Variants in TSG101 observed in about 807,000 individuals in gnomAD.
TSG101 encodes the protein tumor susceptibility gene 101 protein.
In TSG101, 19 loss-of-function variants were observed where a neutral mutation model predicts 48.5. That is an observed-to-expected ratio of 0.39 (90% CI 0.27 to 0.58). TSG101 has a LOEUF of 0.58. Among genes scored for constraint, TSG101 ranks in the 20% least tolerant of loss-of-function variants. The pLI is 0.55. For missense variants in TSG101, 365 were observed against 484.4 expected (o/e 0.75, Z 2.31); for synonymous variants, 174 against 169.4 (o/e 1.03, Z -0.21).
chr11:18,492,423 T>C (rs1849711731), intron 7 of TSG101, among the ~76,000 whole-genome samples: 1 of 152,260 alleles, frequency 6.6e-6, no homozygotes, highest in African/African-American at 2.4e-5. Flanking sequence ...AAAGCTATTA[T>C]ATCTGGTCTA....
At chr11:18,501,252 C>CT (rs1849882134) in intron 7 of TSG101, among the ~76,000 whole-genome samples, 1 of 152,148 alleles carries the variant, frequency 6.6e-6, no homozygotes, top group African/African-American at 2.4e-5. Flanking sequence ...AGCTTTGGGT[C>CT]TTACATTAAG....
rs1056450372 is a variant in TSG101 at position 18,514,895 on chromosome 11, A to C, written c.194-54T>G. ...TCTATTTTTATTATTTTTAAATTGAAGAATGGTTAAAGGAACAGAGGTTTA... is the reference window on the plus strand; with the variant it reads ...TCTATTTTTATTATTTTTAAATTGACGAATGGTTAAAGGAACAGAGGTTTA... On this transcript the variant is annotated intron_variant, in intron 3 of 9. Coordinates refer to ENST00000251968, the MANE Select transcript of TSG101 (RefSeq NM_006292.4). The C allele has an allele frequency of 9.6e-6, 14 of 1,463,648 alleles. No individual in the cohort carries two copies. In the African/African-American group the frequency reaches 2.1e-4, roughly 22 times the overall value. 90.7% of individuals were successfully genotyped at this position (1,463,648 alleles called of 1,614,324 possible).
At position 18,481,285 on chromosome 11, in the gene TSG101, G is replaced by A. The variant is rs77666705; in HGVS notation, c.1083+345C>T. 2.0e-3 allele frequency: 1,971 copies of A among 985,174 alleles called. 35 individuals carry two copies. In the African/African-American group the frequency reaches 0.032, roughly 16 times the overall value. The allele number at this position is 985,174 out of a possible 1,614,324, so 61.0% of individuals were successfully genotyped here. A position where few individuals can be genotyped will look rare whatever the true frequency, so the allele number is the denominator to read the frequency against. On this transcript the variant is annotated intron_variant, in intron 9 of 9. Coordinates refer to ENST00000251968, the MANE Select transcript of TSG101 (RefSeq NM_006292.4). The stretch of plus-strand genomic sequence containing the variant: ...AATTAACAGATAAAAAATGGAGGTG[G>A]CACAATCAGTGATCTCAATTTAGGT...
chr11:18,512,554 T>C (rs931030265), intron 4 of TSG101, among the ~76,000 whole-genome samples: 2 of 152,164 alleles, frequency 1.3e-5, no homozygotes, highest in African/African-American at 4.8e-5. Context: ...TTGTCTTTTT[T>C]TCCTCTTGGT....
intron 7 of TSG101, among the ~76,000 whole-genome samples, chr11:18,494,516 T>C (rs1849746806): frequency 6.6e-6 from 1 of 150,996 alleles, no homozygotes; most frequent in Non-Finnish European, 1.5e-5. Context: ...AATCTATCAT[T>C]ATTGCTTTGA....
chr11:18,523,844 A>G (rs1435147168), intron 1 of TSG101, among the ~76,000 whole-genome samples: 1 of 152,130 alleles, frequency 6.6e-6, no homozygotes, highest in African/African-American at 2.4e-5. Flanking sequence ...ACTTTTTGAG[A>G]CAGGTTCTCT....
At chr11:18,506,694 A>AT (rs1849980593) in intron 6 of TSG101, among the ~76,000 whole-genome samples, 163 bp downstream of exon 6, 1 of 152,048 alleles carries the variant, frequency 6.6e-6, no homozygotes, top group Non-Finnish European at 1.5e-5. Context: ...CATCTCAAAA[A>AT]AAATAAATAA....
intron 1 of TSG101, among the ~76,000 whole-genome samples, chr11:18,525,454 G>A (rs1350460744): frequency 6.6e-6 from 1 of 150,694 alleles, no homozygotes; most frequent in Non-Finnish European, 1.5e-5. Flanking sequence ...GCTAAGGCAG[G>A]AGAATCGCTT....
At chr11:18,510,577 T>C (rs556344037) in intron 4 of TSG101, among the ~76,000 whole-genome samples, 17 of 150,304 alleles carry the variant, frequency 1.1e-4, no homozygotes, top group African/African-American at 3.9e-4. Context: ...CAAATACCTA[T>C]TGAGCACTGG....
chr11:18,509,975 A>G (rs1380224981), intron 4 of TSG101, among the ~76,000 whole-genome samples: 1 of 152,214 alleles, frequency 6.6e-6, no homozygotes, highest in African/African-American at 2.4e-5. Flanking sequence ...GCCACTGTAC[A>G]ATGTATTATA....
At chr11:18,490,149 A>G in intron 7 of TSG101, 1 of 201,340 alleles carries the variant, frequency 5.0e-6, no homozygotes. Context: ...ATCCAAAGTC[A>G]ACATACAATT....
chr11:18,497,220 C>G (rs12577874), intron 7 of TSG101, among the ~76,000 whole-genome samples: 24,930 of 152,040 alleles, frequency 0.16, 2,657 homozygotes, highest in East Asian at 0.42. Flanking sequence ...ACTCTAATAT[C>G]TAAATGATAC....
intron 1 of TSG101, chr11:18,525,622 C>T (rs28499082): frequency 6.4e-6 from 6 of 941,258 alleles, no homozygotes; most frequent in Non-Finnish European, 7.6e-6. Context: ...CCGTTTTTTT[C>T]AAAAAGTGAT....
At chr11:18,516,053 A>G in intron 3 of TSG101, 46 bp downstream of exon 3, 2 of 1,525,988 alleles carry the variant, frequency 1.3e-6, no homozygotes, top group Non-Finnish European at 1.8e-6. Context: ...CATATTTATT[A>G]TGTATTCAAA....
intron 7 of TSG101, among the ~76,000 whole-genome samples, chr11:18,498,155 C>A (rs576315425): frequency 6.6e-6 from 1 of 152,078 alleles, no homozygotes; most frequent in Admixed American, 6.6e-5. Flanking sequence ...CAGAAATAGG[C>A]CGTGGACAAA....
intron 1 of TSG101, among the ~76,000 whole-genome samples, chr11:18,526,271 C>G (rs1382385968): frequency 6.6e-6 from 1 of 152,116 alleles, no homozygotes; most frequent in African/African-American, 2.4e-5. Flanking sequence ...GTATGTATTT[C>G]ACCTGGGGCA....
chr11:18,511,340 C>T (rs1850077915), intron 4 of TSG101: 2 of 152,190 alleles, frequency 1.3e-5, no homozygotes, highest in African/African-American at 2.4e-5. Context: ...GAACCAAACT[C>T]ACCTCATTTG....
At chr11:18,483,260 C>G (rs1251062095) in intron 8 of TSG101, among the ~76,000 whole-genome samples, 1 of 152,060 alleles carries the variant, frequency 6.6e-6, no homozygotes, top group Non-Finnish European at 1.5e-5. Context: ...TTTGGGAGGC[C>G]AAGGTGGGTG....
chr11:18,480,927 C>T (rs1849526526), intron 9 of TSG101, among the ~76,000 whole-genome samples: 1 of 152,208 alleles, frequency 6.6e-6, no homozygotes, highest in Non-Finnish European at 1.5e-5. Context: ...TCTCTTGGGT[C>T]TCTGGTTTAT....
Sources: allele counts gnomAD v4.1 joint callset (sites outside exome capture counted in the v4.1 genomes callset), GRCh38; gene constraint gnomAD v4.1.1; transcripts MANE v1.5; gene names NCBI Gene and HGNC (gene_info 2026-07-23, HGNC 2026-07-21).